The following ITGB3BP variants were observed in gnomAD, a reference collection of about 807,000 sequenced individuals.
ITGB3BP encodes the protein integrin subunit beta 3 binding protein.
A neutral mutation model predicts 29.1 loss-of-function variants in ITGB3BP; 27 were observed. The ratio of observed to expected loss-of-function variants is 0.93; its 90% CI spans 0.68 to 1.28. ITGB3BP has a LOEUF of 1.28. Ranked by LOEUF, ITGB3BP falls within the 50% of genes most tolerant of loss-of-function variation. ITGB3BP has a pLI of 0.00. For synonymous variants in ITGB3BP, 61 were observed against 61.4 expected, an observed-to-expected ratio of 0.99 and a Z score of 0.03; for missense variants, 192 against 200.2, an observed-to-expected ratio of 0.96 and a Z score of 0.25.
rs141055619 is a variant in ITGB3BP at position 63,499,949 on chromosome 1, T to G, written c.48+8579A>C. Reference sequence around the variant, plus strand: ...GGTACAAGAAAAGAATGTCTGCTCTTGCCACTTCTACTTAATATTTTTCAG... The same window carrying G: ...GGTACAAGAAAAGAATGTCTGCTCTGGCCACTTCTACTTAATATTTTTCAG... On this transcript the variant is annotated intron_variant, in intron 2 of 8. Transcript: ENST00000271002. Among the ~76,000 whole-genome samples the G allele has an allele frequency of 7.8e-3, 1,191 of 152,306 alleles. 13 individuals are homozygous for G. The highest frequency in any genetic ancestry group is 0.026 in the African/African-American group (1,077 of 41,564).
At chr1:63,505,847 G>C in intron 2 of ITGB3BP, among the ~76,000 whole-genome samples, 1 of 152,252 alleles carries the variant, frequency 6.6e-6, no homozygotes, top group East Asian at 1.9e-4. Context: ...TTAATCCTGA[G>C]TTCTAGTTTG....
upstream of ITGB3BP, among the ~76,000 whole-genome samples, chr1:63,524,517 T>C (rs1464123009): frequency 6.6e-6 from 1 of 152,228 alleles, no homozygotes; most frequent in Non-Finnish European, 1.5e-5. Flanking sequence ...TTAGGCCTCC[T>C]GAGTAGGAAT....
chr1:63,478,198 T>C (rs1204358915), intron 4 of ITGB3BP, among the ~76,000 whole-genome samples: 1 of 152,226 alleles, frequency 6.6e-6, no homozygotes, highest in Non-Finnish European at 1.5e-5. Context: ...TATTTTCAAT[T>C]TGTCATTGGT....
In ITGB3BP at chr1:63,454,374, T is replaced by C; in HGVS notation, c.427+6A>G. ...TTACTGTCATTGAAAACTCAAAAAT[T>C]CTTACTTAGTTCTTTGGTTTTCTGC... On this transcript the variant is annotated splice_donor_region_variant and intron_variant, in intron 6 of 8. Transcript: ENST00000271002. This position sits in a 1 kb window ranked among gnomAD's most constrained non-coding sequence, Gnocchi z 4.1. The C allele has an allele frequency of 1.4e-6, 2 of 1,469,846 alleles. No individual in the cohort carries two copies. Among genetic ancestry groups the C allele is most frequent in the Non-Finnish European group, 1.9e-6 (2 of 1,058,288 alleles). 91.1% of individuals were successfully genotyped at this position (1,469,846 alleles called of 1,614,324 possible).
intron 4 of ITGB3BP, among the ~76,000 whole-genome samples, chr1:63,459,148 C>T (rs6677130): frequency 0.13 from 20,485 of 151,978 alleles, 1,520 homozygotes; most frequent in Middle Eastern, 0.25. Context: ...GCACCCAATG[C>T]TGCTTAACTC....
chr1:63,523,747 A>G (rs959795924), upstream of ITGB3BP: 2 of 155,842 alleles, frequency 1.3e-5, no homozygotes, highest in African/African-American at 4.8e-5. Context: ...TGGTCCATGT[A>G]TGTACCTAAA....
chr1:63,481,459 T>G (rs1261494729), intron 3 of ITGB3BP, among the ~76,000 whole-genome samples: 1 of 152,076 alleles, frequency 6.6e-6, no homozygotes, highest in East Asian at 1.9e-4. Flanking sequence ...TCCATTCTAT[T>G]AAAAAAAGTA....
chr1:63,513,998 A>T (rs1376305826), intron 1 of ITGB3BP, among the ~76,000 whole-genome samples: 1 of 152,210 alleles, frequency 6.6e-6, no homozygotes, highest in Admixed American at 6.5e-5. Context: ...CAAGATATGG[A>T]ATATTTGAAT....
intron 4 of ITGB3BP, among the ~76,000 whole-genome samples, chr1:63,471,945 T>C (rs912393057): frequency 1.3e-5 from 2 of 151,918 alleles, no homozygotes; most frequent in African/African-American, 4.8e-5. Context: ...CCACCACGCC[T>C]GGCTAATTTT....
At chr1:63,447,578 G>A (rs1377572613) in intron 7 of ITGB3BP, 1 of 497,802 alleles carries the variant, frequency 2.0e-6, no homozygotes, top group Non-Finnish European at 4.0e-6. Flanking sequence ...GGAGAGCTGG[G>A]GAGAGCTTCA....
intron 4 of ITGB3BP, among the ~76,000 whole-genome samples, chr1:63,461,491 C>A (rs1221564595): frequency 6.6e-6 from 1 of 151,856 alleles, no homozygotes; most frequent in African/African-American, 2.4e-5. Flanking sequence ...TTTATTTTTT[C>A]TTTTGTTCAT....
chr1:63,513,312 T>G (rs1646241699), intron 1 of ITGB3BP, among the ~76,000 whole-genome samples: 1 of 152,190 alleles, frequency 6.6e-6, no homozygotes, highest in Admixed American at 6.5e-5. Flanking sequence ...CAATGGATTT[T>G]AAGCCATTCC....
upstream of ITGB3BP, chr1:63,525,759 G>T (rs769269026): frequency 1.9e-5 from 30 of 1,545,848 alleles, no homozygotes; most frequent in East Asian, 6.9e-4. Flanking sequence ...ACTTTACTTA[G>T]GTAAATTTTT....
intron 4 of ITGB3BP, among the ~76,000 whole-genome samples, chr1:63,469,333 T>TA (rs1645155771): frequency 1.3e-5 from 2 of 148,866 alleles, no homozygotes; most frequent in African/African-American, 5.1e-5. Flanking sequence ...ATTATTATTT[T>TA]TTTTTTTTTT....
upstream of ITGB3BP, among the ~76,000 whole-genome samples, chr1:63,524,282 A>G (rs1311041043): frequency 6.6e-6 from 1 of 152,222 alleles, no homozygotes; most frequent in East Asian, 1.9e-4. Flanking sequence ...ATGCATGCAC[A>G]CATATGTGTT....
At chr1:63,488,092 T>C (rs1040721551) in intron 3 of ITGB3BP, among the ~76,000 whole-genome samples, 4 of 152,124 alleles carry the variant, frequency 2.6e-5, no homozygotes, top group Non-Finnish European at 5.9e-5. Context: ...TAGAACTAAA[T>C]TTTTCATCCT....
intron 4 of ITGB3BP, among the ~76,000 whole-genome samples, chr1:63,470,696 G>C (rs2100578092): frequency 6.6e-6 from 1 of 152,238 alleles, no homozygotes; most frequent in South Asian, 2.1e-4. Flanking sequence ...GAGGTGACTA[G>C]GAATTAGACT....
chr1:63,452,280 T>C (rs778424153), intron 7 of ITGB3BP, among the ~76,000 whole-genome samples: 1 of 152,208 alleles, frequency 6.6e-6, no homozygotes, highest in Non-Finnish European at 1.5e-5. Flanking sequence ...TCAAAGCTGT[T>C]TGCAAAGGCC....
chr1:63,515,102 A>T lies in ITGB3BP; in HGVS notation c.6-6532T>A, dbSNP rs116683251. Among the ~76,000 whole-genome samples the T allele has an allele frequency of 3.5e-3, 528 of 152,282 alleles. 1 individual carries two copies. The highest frequency in any genetic ancestry group is 6.1e-3 in the Non-Finnish European group (418 of 68,014). ...TTGCCTGAAATTTCACCTACTTCAG[A>T]CTGTAAAAATATTCTCAAATATTTC... is the stretch of plus-strand genomic sequence containing the variant. On this transcript the variant is annotated intron_variant, in intron 1 of 8. Coordinates refer to ENST00000271002, the MANE Select transcript of ITGB3BP (RefSeq NM_014288.5).
Sources: allele counts gnomAD v4.1 joint callset (sites outside exome capture counted in the v4.1 genomes callset), GRCh38; gene constraint gnomAD v4.1.1; non-coding constraint Gnocchi (gnomAD v3.1); transcripts MANE v1.5; gene names NCBI Gene and HGNC (gene_info 2026-07-23, HGNC 2026-07-21).